ULK4: variants seen among roughly 807,000 people sequenced by gnomAD.
ULK4 encodes unc-51 like kinase 4.
Under a neutral mutation model 160.6 loss-of-function variants are expected in ULK4, and 133 were observed. The ratio of observed to expected loss-of-function variants is 0.83; its 90% CI spans 0.72 to 0.96. ULK4 has a LOEUF of 0.96. ULK4 is among the 40% of genes least tolerant of loss of function. The pLI, the probability that ULK4 is intolerant of heterozygous loss-of-function variation, is 0.00. For synonymous variants in ULK4, 534 were observed against 539.8 expected (o/e 0.99, Z 0.15); for missense variants, 1,580 against 1,499.5 (o/e 1.05, Z -0.89).
intron 18 of ULK4, among the ~76,000 whole-genome samples, chr3:41,834,157 A>G (rs954564598): frequency 6.6e-6 from 1 of 151,876 alleles, no homozygotes; most frequent in African/African-American, 2.4e-5. Context: ...TTCACTTTCC[A>G]GTGTTCTAGG....
In ULK4 at chr3:41,872,913, G is replaced by A. The variant is rs568187325; in HGVS notation, c.1656+10961C>T. Reference sequence around the variant, plus strand: ...CTCATGCCTGTAATCCCAGCAATTTGGGAGGCCAAGGCGGGTGGATCACGA... The same window carrying A: ...CTCATGCCTGTAATCCCAGCAATTTAGGAGGCCAAGGCGGGTGGATCACGA... On this transcript the variant is annotated intron_variant, in intron 17 of 36. Coordinates refer to ENST00000301831, the MANE Select transcript of ULK4 (RefSeq NM_017886.4). Among the ~76,000 whole-genome samples, 4 of 147,444 alleles carry A rather than the reference G, an allele frequency of 2.7e-5. 1 individual carries two copies. The South Asian group carries it at 8.6e-4, about 32-fold the overall frequency.
At chr3:41,310,532 C>G (rs528522509) in intron 35 of ULK4, among the ~76,000 whole-genome samples, 15 of 151,864 alleles carry the variant, frequency 9.9e-5, no homozygotes, top group Non-Finnish European at 1.9e-4. Context: ...AAAGCTCACT[C>G]GAAACATGAT....
chr3:41,882,660 A>G (rs1697565820), intron 17 of ULK4, among the ~76,000 whole-genome samples: 1 of 152,226 alleles, frequency 6.6e-6, no homozygotes. Context: ...CAACAGTCAT[A>G]TTTCACATAT....
chr3:41,507,746 C>A (rs2085444878), intron 32 of ULK4, among the ~76,000 whole-genome samples: 1 of 151,700 alleles, frequency 6.6e-6, no homozygotes, highest in Non-Finnish European at 1.5e-5. Flanking sequence ...AGGTTGAATC[C>A]CAGTATAGTT....
At chr3:41,302,123 T>C (rs2079813559) in intron 35 of ULK4, among the ~76,000 whole-genome samples, 2 of 152,224 alleles carry the variant, frequency 1.3e-5, no homozygotes, top group Non-Finnish European at 1.5e-5. Flanking sequence ...AACAGATGTA[T>C]TGAAAGGTGT....
intron 32 of ULK4, among the ~76,000 whole-genome samples, chr3:41,537,608 A>T (rs1326941934): frequency 6.6e-6 from 1 of 152,184 alleles, no homozygotes; most frequent in South Asian, 2.1e-4. Context: ...AGCCACAACC[A>T]TTGTCCAATA....
intron 21 of ULK4, among the ~76,000 whole-genome samples, chr3:41,756,110 C>T (rs2038794126): frequency 6.6e-6 from 1 of 152,168 alleles, no homozygotes; most frequent in South Asian, 2.1e-4. Flanking sequence ...CAAAATTAAA[C>T]TCAGTGACTA....
chr3:41,441,421 G>T (rs1020470981), intron 34 of ULK4, among the ~76,000 whole-genome samples: 1 of 151,888 alleles, frequency 6.6e-6, no homozygotes, highest in African/African-American at 2.4e-5. Context: ...GAGTGTGTTA[G>T]TTTCAAATAT....
chr3:41,911,862 C>T (rs1457459330), intron 9 of ULK4, among the ~76,000 whole-genome samples: 1 of 152,190 alleles, frequency 6.6e-6, no homozygotes, highest in Non-Finnish European at 1.5e-5. Flanking sequence ...CCCTCAAGAT[C>T]CAGGCTAAGG....
At chr3:41,315,429 G>T (rs2080127377) in intron 35 of ULK4, among the ~76,000 whole-genome samples, 1 of 152,292 alleles carries the variant, frequency 6.6e-6, no homozygotes, top group African/African-American at 2.4e-5. Context: ...ATGGTGGCGT[G>T]AGAAGCTACA....
intron 29 of ULK4, among the ~76,000 whole-genome samples, chr3:41,674,950 G>C (rs1227607255): frequency 6.6e-6 from 1 of 152,244 alleles, no homozygotes; most frequent in African/African-American, 2.4e-5. Flanking sequence ...TTAGAAAAAG[G>C]GTTTCTAGCA....
chr3:41,574,381 G>C (rs908961043), intron 31 of ULK4, among the ~76,000 whole-genome samples: 3 of 151,742 alleles, frequency 2.0e-5, no homozygotes, highest in Non-Finnish European at 4.4e-5. Flanking sequence ...AAGTACCCTC[G>C]AATCTCCCTT....
intron 35 of ULK4, among the ~76,000 whole-genome samples, chr3:41,294,794 A>T (rs900628185): frequency 6.6e-6 from 1 of 152,206 alleles, no homozygotes; most frequent in African/African-American, 2.4e-5. Context: ...AATGAAATTT[A>T]AAAAAACCTA....
chr3:41,581,529 G>T (rs920779539), intron 31 of ULK4, among the ~76,000 whole-genome samples: 1 of 152,086 alleles, frequency 6.6e-6, no homozygotes, highest in African/African-American at 2.4e-5. Flanking sequence ...TAACATCCTT[G>T]TATCACAGAA....
At chr3:41,384,190 TAAGGGG>T (rs2081742861) in intron 35 of ULK4, among the ~76,000 whole-genome samples, 2 of 152,014 alleles carry the variant, frequency 1.3e-5, no homozygotes, top group Admixed American at 1.3e-4. Flanking sequence ...TGATATAGTA[TAAGGGG>T]CCACTATCAA....
At chr3:41,497,637 A>G (rs1465876096) in intron 32 of ULK4, among the ~76,000 whole-genome samples, 1 of 152,178 alleles carries the variant, frequency 6.6e-6, no homozygotes, top group African/African-American at 2.4e-5. Context: ...TGTACCACAA[A>G]TAAGGACATT....
intron 32 of ULK4, among the ~76,000 whole-genome samples, chr3:41,479,424 C>T (rs1380306426): frequency 2.6e-5 from 4 of 152,194 alleles, no homozygotes; most frequent in Admixed American, 2.6e-4. Flanking sequence ...AACTGGATCA[C>T]AGGATAAAGC....
In ULK4 at chr3:41,846,935, T is replaced by G. The variant is rs140085896; in HGVS notation, c.1657-10964A>C. ...GGAAAATGGGTTTTTTGGTGTTATTTCTAATACCGTTATGCTTTGAGGCAT... is the reference window on the plus strand; with the variant it reads ...GGAAAATGGGTTTTTTGGTGTTATTGCTAATACCGTTATGCTTTGAGGCAT... On this transcript the variant is annotated intron_variant, in intron 17 of 36. Coordinates refer to ENST00000301831, the MANE Select transcript of ULK4 (RefSeq NM_017886.4). 1.4e-3 allele frequency among the ~76,000 whole-genome samples: 210 copies of G among 152,368 alleles called. 2 individuals are homozygous for G. Among genetic ancestry groups the G allele is most frequent in the Admixed American group, 2.3e-3 (35 of 15,310 alleles).
Position 41,919,775 on chromosome 3 carries a change from G to C in ULK4, c.585C>G (p.Asp195Glu). 2 of 1,614,066 alleles carry C rather than the reference G, an allele frequency of 1.2e-6. No homozygotes were observed. The highest frequency in any genetic ancestry group is 8.5e-7 in the Non-Finnish European group (1 of 1,179,972). The change falls in exon 6 of 37, where the codon GAC (aspartate) becomes GAG (glutamate). Residue 195 changes from aspartate to glutamate, a missense_variant. Asp to Glu is a conservative substitution (Grantham distance 45, BLOSUM62 2). Coordinates refer to ENST00000301831, the MANE Select transcript of ULK4 (RefSeq NM_017886.4). Reference sequence around the variant, plus strand: ...ACCAGAGGTCACTGGAGATGGAAAAGTCAGCACCCCTCACAACTTCTGGTG... The same window carrying C: ...ACCAGAGGTCACTGGAGATGGAAAACTCAGCACCCCTCACAACTTCTGGTG... ...YTAPEVVRGADFSISSDLWSL... is the reference protein window; with the variant it reads ...YTAPEVVRGAEFSISSDLWSL...
Sources: allele counts gnomAD v4.1 joint callset (sites outside exome capture counted in the v4.1 genomes callset), GRCh38; gene constraint gnomAD v4.1.1; transcripts MANE v1.5; gene names NCBI Gene and HGNC (gene_info 2026-07-23, HGNC 2026-07-21).